Variants in PLXNA2 observed in about 807,000 individuals in gnomAD.
The protein encoded by PLXNA2 is plexin-A2.
Under a neutral mutation model 193.5 loss-of-function variants are expected in PLXNA2, and 91 were observed. The ratio of observed to expected loss-of-function variants is 0.47; its 90% CI spans 0.40 to 0.56. PLXNA2 has a LOEUF of 0.56. Among genes scored for constraint, PLXNA2 ranks in the 20% least tolerant of loss-of-function variants. PLXNA2 has a pLI of 0.00. For synonymous variants in PLXNA2, 997 were observed against 1,027.3 expected, an observed-to-expected ratio of 0.97 and a Z score of 0.56; for missense variants, 1,995 against 2,503.2, an observed-to-expected ratio of 0.80 and a Z score of 4.33.
In PLXNA2 at chr1:208,103,230, C is replaced by T. The variant is rs755344763; in HGVS notation, c.1524G>A (p.Val508=). The T allele has an allele frequency of 1.9e-6, 3 of 1,613,690 alleles. No homozygotes were observed. The South Asian group carries it at 3.3e-5, about 18-fold the overall frequency. Residue 508 remains valine (V), a synonymous_variant, in exon 5 of 32, where the codon GTG becomes GTA. Coordinates refer to ENST00000367033, the MANE Select transcript of PLXNA2 (RefSeq NM_025179.4). ...AAGTCGTATACTGCTCACATGACTC[C>T]ACGGGGACCCTGGTGACCTGGCAGA... ...MSERQVTRVP[V]ESCEQYTTCG...
At chr1:208,117,073 A>G (rs1428198320) in intron 4 of PLXNA2, among the ~76,000 whole-genome samples, 3 of 152,222 alleles carry the variant, frequency 2.0e-5, no homozygotes, top group African/African-American at 7.2e-5. Flanking sequence ...CAGGAGGCTG[A>G]GGCAGGAGAA....
intron 3 of PLXNA2, among the ~76,000 whole-genome samples, chr1:208,186,957 A>G (rs12565580): frequency 0.022 from 3,310 of 150,504 alleles, 90 homozygotes; most frequent in East Asian, 0.12. Flanking sequence ...TCCTGACCTC[A>G]TGATCCACCC....
Position 208,028,183 on chromosome 1 carries a change from T to C in PLXNA2, c.5439-24A>G, listed in dbSNP as rs1294900559. ...ATCTGCCAGAGACAGGATAGGCGCC[T>C]TGGTGGAGGCCTCAGCAAACATTTA... is the stretch of plus-strand genomic sequence containing the variant. On this transcript the variant is annotated intron_variant, in intron 30 of 31. Coordinates refer to ENST00000367033, the MANE Select transcript of PLXNA2 (RefSeq NM_025179.4). This position sits in a 1 kb window ranked among gnomAD's most constrained non-coding sequence, Gnocchi z 4.2. 9 of 1,586,412 alleles carry C rather than the reference T, an allele frequency of 5.7e-6. No homozygotes were observed. The highest frequency in any genetic ancestry group is 1.7e-4 in the Middle Eastern group (1 of 5,952).
chr1:208,201,669 A>G (rs1670557414), intron 3 of PLXNA2, among the ~76,000 whole-genome samples: 2 of 152,202 alleles, frequency 1.3e-5, no homozygotes, highest in East Asian at 3.9e-4. Flanking sequence ...GCCAAGCACC[A>G]TATTAAGCAC....
chr1:208,125,331 T>C (rs1283534124), intron 4 of PLXNA2, among the ~76,000 whole-genome samples: 2 of 152,208 alleles, frequency 1.3e-5, no homozygotes, highest in Admixed American at 1.3e-4. Flanking sequence ...GAAGTCCCCA[T>C]GCTCTTTGAA....
At chr1:208,180,965 T>C (rs145041714) in intron 3 of PLXNA2, among the ~76,000 whole-genome samples, 2 of 152,330 alleles carry the variant, frequency 1.3e-5, no homozygotes, top group Non-Finnish European at 2.9e-5. Context: ...GGAGGCTGAC[T>C]TCTCTGCGAC....
chr1:208,227,145 G>A (rs1318294270), intron 1 of PLXNA2, among the ~76,000 whole-genome samples: 1 of 152,188 alleles, frequency 6.6e-6, no homozygotes, highest in Admixed American at 6.5e-5. Context: ...ATATGGCTTT[G>A]CCAAGCCAAG....
intron 4 of PLXNA2, among the ~76,000 whole-genome samples, chr1:208,107,657 C>G (rs1223912156): frequency 6.6e-6 from 1 of 152,196 alleles, no homozygotes; most frequent in Non-Finnish European, 1.5e-5. Context: ...CGGGCGCCCT[C>G]TGTCAGGGCT....
intron 3 of PLXNA2, among the ~76,000 whole-genome samples, chr1:208,167,151 C>A (rs1016483228): frequency 6.6e-6 from 1 of 152,168 alleles, no homozygotes; most frequent in Non-Finnish European, 1.5e-5. Context: ...TAACCTTATT[C>A]TCTCAGTAAA....
At chr1:208,162,830 C>T (rs1436057519) in intron 3 of PLXNA2, among the ~76,000 whole-genome samples, 1 of 152,126 alleles carries the variant, frequency 6.6e-6, no homozygotes, top group Non-Finnish European at 1.5e-5. Context: ...GTTTTGAGCT[C>T]AAATAATCCC....
At chr1:208,189,366 T>C (rs1670104301) in intron 3 of PLXNA2, among the ~76,000 whole-genome samples, 1 of 152,082 alleles carries the variant, frequency 6.6e-6, no homozygotes, top group African/African-American at 2.4e-5. Flanking sequence ...GATCTTGTGG[T>C]TGACTCAAGG....
At chr1:208,087,023 GA>G (rs1362276030) in intron 9 of PLXNA2, among the ~76,000 whole-genome samples, 10 of 149,960 alleles carry the variant, frequency 6.7e-5, no homozygotes, top group African/African-American at 2.5e-4. Flanking sequence ...GAGACAGACA[GA>G]CAGACAGAGA....
intron 4 of PLXNA2, among the ~76,000 whole-genome samples, chr1:208,109,689 G>A (rs1270248095): frequency 6.6e-6 from 1 of 152,224 alleles, no homozygotes; most frequent in Admixed American, 6.5e-5. Context: ...TGGCCAACTG[G>A]AGGAGAATCC....
At chr1:208,202,369 ATGAATTATGTCAT>A (rs1167366121) in intron 3 of PLXNA2, among the ~76,000 whole-genome samples, 1 of 152,198 alleles carries the variant, frequency 6.6e-6, no homozygotes, top group Non-Finnish European at 1.5e-5. Context: ...CAGTTCAATA[ATGAATTATGTCAT>A]TTAATCCTTA....
chr1:208,031,830 T>A, intron 28 of PLXNA2, 71 bp from the exon 29 acceptor site: 2 of 1,345,136 alleles, frequency 1.5e-6, no homozygotes, highest in Middle Eastern at 2.4e-4. Flanking sequence ...TACCAGATGG[T>A]GCCTTGGACC....
chr1:208,229,597 TC>T (rs1194254452), intron 1 of PLXNA2, among the ~76,000 whole-genome samples: 1 of 152,192 alleles, frequency 6.6e-6, no homozygotes, highest in Non-Finnish European at 1.5e-5. Context: ...TTAGGAAGGA[TC>T]CTGGCTATTA....
chr1:208,183,190 G>C (rs1249962318), intron 3 of PLXNA2, among the ~76,000 whole-genome samples: 2 of 152,212 alleles, frequency 1.3e-5, no homozygotes, highest in Non-Finnish European at 2.9e-5. Context: ...CATGGAGGGT[G>C]GGGGCACAAG....
chr1:208,076,121 G>C (rs535099534), intron 12 of PLXNA2, among the ~76,000 whole-genome samples: 1 of 150,964 alleles, frequency 6.6e-6, no homozygotes, highest in Non-Finnish European at 1.5e-5. Context: ...AGGCTGGAGT[G>C]CAATGGCATG....
intron 3 of PLXNA2, among the ~76,000 whole-genome samples, chr1:208,184,061 C>T (rs1669926426): frequency 1.3e-5 from 2 of 152,118 alleles, no homozygotes; most frequent in African/African-American, 4.8e-5. Context: ...AGTTTTTTCT[C>T]ATCACAGAAT....
Sources: allele counts gnomAD v4.1 joint callset (sites outside exome capture counted in the v4.1 genomes callset), GRCh38; gene constraint gnomAD v4.1.1; non-coding constraint Gnocchi (gnomAD v3.1); transcripts MANE v1.5; gene names NCBI Gene and HGNC (gene_info 2026-07-23, HGNC 2026-07-21).